AP2A2: variants seen among roughly 807,000 people sequenced by gnomAD.
AP2A2 encodes AP-2 complex subunit alpha-2.
A neutral mutation model predicts 104.2 loss-of-function variants in AP2A2; 32 were observed. That is an observed-to-expected ratio of 0.31 (90% confidence interval 0.23 to 0.41). AP2A2 has a LOEUF of 0.41. Among genes scored for constraint, AP2A2 ranks in the 10% least tolerant of loss-of-function variants. The pLI, the probability that AP2A2 is intolerant of heterozygous loss-of-function variation, is 1.00. For missense variants in AP2A2, 912 were observed against 1,261.0 expected, an observed-to-expected ratio of 0.72 and a Z score of 4.19; for synonymous variants, 539 against 533.3, an observed-to-expected ratio of 1.01 and a Z score of -0.15.
At chr11:950,280 C>A (rs1000449741) in intron 1 of AP2A2, among the ~76,000 whole-genome samples, 18 of 150,196 alleles carry the variant, frequency 1.2e-4, no homozygotes, top group Admixed American at 4.0e-4. Flanking sequence ...ACCAAAAAAA[C>A]AGGAGTAAGT....
At chr11:930,993 A>G (rs978179361) in intron 1 of AP2A2, among the ~76,000 whole-genome samples, 8 of 152,046 alleles carry the variant, frequency 5.3e-5, no homozygotes, top group African/African-American at 9.7e-5. Flanking sequence ...CCGGTTCCCT[A>G]CCTCAGTCAA....
intron 1 of AP2A2, among the ~76,000 whole-genome samples, chr11:947,558 G>A (rs1853890511): frequency 1.3e-5 from 2 of 152,038 alleles, no homozygotes; most frequent in Admixed American, 6.6e-5. Flanking sequence ...CGCTTTGGGA[G>A]GCCGAGGTGG....
intron 1 of AP2A2, chr11:946,748 T>G (rs931490175): frequency 1.3e-4 from 18 of 142,152 alleles, no homozygotes; most frequent in African/African-American, 4.8e-4. Flanking sequence ...CCAGCCTGGG[T>G]GAACAGAGCA....
chr11:1,006,387 C>T, intron 16 of AP2A2, 141 bp from the exon 17 acceptor site: 1 of 667,900 alleles, frequency 1.5e-6, no homozygotes, highest in South Asian at 2.0e-5. Context: ...AAAATTTGTT[C>T]TTAATTTTAA....
At chr11:938,611 A>AC (rs1853543712) in intron 1 of AP2A2, among the ~76,000 whole-genome samples, 1 of 151,506 alleles carries the variant, frequency 6.6e-6, no homozygotes, top group African/African-American at 2.4e-5. Context: ...AGTAGCTGGG[A>AC]CTACAGGTGC....
intron 5 of AP2A2, 138 bp from the exon 6 acceptor site, chr11:981,060 C>A: frequency 1.6e-6 from 1 of 627,298 alleles, no homozygotes; most frequent in African/African-American, 1.8e-5. Context: ...TTGTAGGTTT[C>A]TCGGAGTAGG....
rs77749067 is a variant in AP2A2, at chr11:940,612, T to G, written c.67+14524T>G. On this transcript the variant is annotated intron_variant, in intron 1 of 21. Transcript: ENST00000448903. ...GGCATCTGTTTCTTTAAGCTGTATT[T>G]TATCTCGTCTGTGTAAAGGTGTTTC... is the stretch of plus-strand genomic sequence containing the variant. 2,464 of 316,032 alleles carry G rather than the reference T, an allele frequency of 7.8e-3. 67 individuals are homozygous for G. The highest frequency in any genetic ancestry group is 0.056 in the Admixed American group (1,261 of 22,428). The allele number at this position is 316,032 out of a possible 1,614,324, so 19.6% of individuals were successfully genotyped here. A position where few individuals can be genotyped will look rare whatever the true frequency, so the allele number is the denominator to read the frequency against.
At chr11:926,144 C>T (rs1307220529) in intron 1 of AP2A2, 56 bp downstream of exon 1, 3 of 1,156,148 alleles carry the variant, frequency 2.6e-6, no homozygotes, top group Non-Finnish European at 3.3e-6. Flanking sequence ...GAGACGGGGT[C>T]TGGGAGCGGA....
chr11:993,959 A>G lies in AP2A2; in HGVS notation c.1756A>G (p.Ser586Gly), dbSNP rs1855753677. ...QQRAVEYLRL[S>G]TVASTDILAT... Reference sequence around the variant, plus strand: ...GCGTGCTGTGGAGTACCTGCGGCTCAGCACCGTGGCCAGCACCGACATTCT... The same window carrying G: ...GCGTGCTGTGGAGTACCTGCGGCTCGGCACCGTGGCCAGCACCGACATTCT... The change falls in exon 13 of 22, where the codon AGC (serine) becomes GGC (glycine). Residue 586 changes from serine (S) to glycine (G), a missense_variant. This residue lies in a region of AP2A2 where 137 missense variants were observed against 186.9 expected (regional missense o/e 0.73). Coordinates refer to ENST00000448903, the MANE Select transcript of AP2A2 (RefSeq NM_012305.4). This position sits in a 1 kb window ranked among gnomAD's most constrained non-coding sequence, Gnocchi z 8.2. 6.2e-7 allele frequency: 1 copy of G among 1,612,296 alleles called. No individual in the cohort carries two copies. Among genetic ancestry groups the G allele is most frequent in the Non-Finnish European group, 8.5e-7 (1 of 1,179,428 alleles).
At chr11:983,656 T>C (rs187882953) in intron 6 of AP2A2, among the ~76,000 whole-genome samples, 1 of 152,216 alleles carries the variant, frequency 6.6e-6, no homozygotes, top group Admixed American at 6.5e-5. Flanking sequence ...GTGCTGGGAT[T>C]ACAGGCGGGA....
intron 1 of AP2A2, among the ~76,000 whole-genome samples, chr11:941,745 G>A (rs186188815): frequency 3.3e-5 from 5 of 151,502 alleles, no homozygotes; most frequent in African/African-American, 1.2e-4. Context: ...GCACCACCAC[G>A]CCCGGCTAAT....
At chr11:959,173 G>A (rs890645815) in intron 1 of AP2A2, among the ~76,000 whole-genome samples, 3 of 152,336 alleles carry the variant, frequency 2.0e-5, no homozygotes, top group African/African-American at 7.2e-5. Flanking sequence ...GGTGCGCAGC[G>A]GCTGGCCCGG....
At position 972,190 on chromosome 11, in the gene AP2A2, C is replaced by G. The variant is rs200256869; in HGVS notation, c.408C>G (p.Ala136=). ...TGGGCCTGGCCCTGCACTGCATCGCCAGCGTGGGCAGCCGGGAGATGGCCG... is the reference window on the plus strand; with the variant it reads ...TGGGCCTGGCCCTGCACTGCATCGCGAGCGTGGGCAGCCGGGAGATGGCCG... ...TFMGLALHCI[A]SVGSREMAEA... is the part of the protein sequence containing the mutation. Residue 136 remains alanine, a synonymous_variant, in exon 4 of 22, where the codon GCC becomes GCG. Coordinates refer to ENST00000448903, the MANE Select transcript of AP2A2 (RefSeq NM_012305.4). 6.2e-7 allele frequency: 1 copy of G among 1,612,272 alleles called. No individual in the cohort carries two copies. The highest frequency in any genetic ancestry group is 1.1e-5 in the South Asian group (1 of 90,954).
chr11:947,087 T>A (rs1172689901), intron 1 of AP2A2: 1 of 147,998 alleles, frequency 6.8e-6, no homozygotes, highest in Non-Finnish European at 1.5e-5. Context: ...CTCGGCTCAC[T>A]GCAGCCCCCA....
intron 1 of AP2A2, among the ~76,000 whole-genome samples, chr11:938,469 GTT>G (rs762768295): frequency 5.3e-5 from 8 of 150,096 alleles, no homozygotes; most frequent in Non-Finnish European, 5.9e-5. Context: ...ATTCTCAAAT[GTT>G]TGTATGTTTT....
rs144253297 is a variant in AP2A2, at chr11:974,697, A to AG, written c.474-2398_474-2397insG. ...GACTCTGTCTCAAAAAAAAAAAAAA[A>AG]AAAAGAAAGCTGGGCATGGTGGCTC... On this transcript the variant is annotated intron_variant, in intron 4 of 21. Coordinates refer to ENST00000448903, the MANE Select transcript of AP2A2 (RefSeq NM_012305.4). Among the ~76,000 whole-genome samples the AG allele has an allele frequency of 7.4e-4, 108 of 145,580 alleles. 1 individual carries two copies. The highest frequency in any genetic ancestry group is 1.4e-3 in the Non-Finnish European group (93 of 65,808).
intron 10 of AP2A2, chr11:988,967 C>T (rs1239685521): frequency 8.4e-6 from 4 of 476,116 alleles, no homozygotes; most frequent in African/African-American, 1.9e-5. Context: ...TGCACTCTAG[C>T]CTGGGCAACA....
intron 10 of AP2A2, chr11:988,939 G>T (rs1855553761): frequency 3.8e-6 from 2 of 532,088 alleles, no homozygotes; most frequent in Admixed American, 3.1e-5. Context: ...AGGCTGCAGT[G>T]AGTCGAGATC....
chr11:994,521 C>T (rs1855779676), intron 14 of AP2A2, among the ~76,000 whole-genome samples: 1 of 148,190 alleles, frequency 6.7e-6, no homozygotes, highest in Non-Finnish European at 1.5e-5. Flanking sequence ...TCCCGGGGGC[C>T]ACTGTCCCTG....
Sources: allele counts gnomAD v4.1 joint callset (sites outside exome capture counted in the v4.1 genomes callset), GRCh38; gene constraint gnomAD v4.1.1; regional missense constraint gnomAD v4.1.1; non-coding constraint Gnocchi (gnomAD v3.1); transcripts MANE v1.5; gene names NCBI Gene and HGNC (gene_info 2026-07-23, HGNC 2026-07-21).